ASAP2: variants seen among roughly 807,000 people sequenced by gnomAD.
The protein encoded by ASAP2 is arf-GAP with SH3 domain, ANK repeat and PH domain-containing protein 2.
A neutral mutation model predicts 131.4 loss-of-function variants in ASAP2; 45 were observed. That is an observed-to-expected ratio of 0.34 (90% confidence interval 0.27 to 0.44). The LOEUF (loss-of-function observed/expected upper bound fraction) is 0.44. ASAP2 is among the 20% of genes least tolerant of loss of function. The probability of loss-of-function intolerance (pLI) is 1.00; values close to 1 mark genes in which losing one functional copy is unlikely to be tolerated. For synonymous variants in ASAP2, 510 were observed against 503.0 expected, an observed-to-expected ratio of 1.01 and a Z score of -0.19; for missense variants, 1,011 against 1,297.0, an observed-to-expected ratio of 0.78 and a Z score of 3.39.
chr2:9,376,835 G>T, intron 17 of ASAP2, 73 bp from the exon 18 acceptor site: 2 of 1,339,728 alleles, frequency 1.5e-6, no homozygotes, highest in Non-Finnish European at 2.1e-6. Flanking sequence ...AGTTGTACAC[G>T]ATTTCACCGG....
intron 12 of ASAP2, 34 bp from the exon 13 acceptor site, chr2:9,356,013 T>C (rs1234544818): frequency 1.2e-6 from 2 of 1,612,268 alleles, no homozygotes; most frequent in Non-Finnish European, 1.7e-6. Flanking sequence ...GATTGCTGTC[T>C]GGGCTCACAG....
intron 1 of ASAP2, among the ~76,000 whole-genome samples, chr2:9,213,711 T>C (rs1396125311): frequency 6.6e-6 from 1 of 152,076 alleles, no homozygotes; most frequent in Non-Finnish European, 1.5e-5. Flanking sequence ...GCTAGTGGCA[T>C]AGAGGTAGAC....
chr2:9,395,443 C>G (rs1176321341), intron 24 of ASAP2, among the ~76,000 whole-genome samples: 1 of 151,830 alleles, frequency 6.6e-6, no homozygotes, highest in African/African-American at 2.4e-5. Context: ...TCATTGTACT[C>G]CAGCCTGGGC....
chr2:9,367,027 A>ATTTTTTTTTTTTTTTTTTT (rs1171661319), intron 15 of ASAP2, among the ~76,000 whole-genome samples: 32 of 132,920 alleles, frequency 2.4e-4, no homozygotes, highest in African/African-American at 9.6e-4. Context: ...TGCCTGCATA[A>ATTTTTTTTTTTTTTTTTTT]TTTTTTTTTT....
chr2:9,385,017 G>A (rs1377656376), intron 20 of ASAP2, among the ~76,000 whole-genome samples: 1 of 152,238 alleles, frequency 6.6e-6, no homozygotes, highest in Admixed American at 6.5e-5. Context: ...GGGAACTGTG[G>A]ATGAAAACTA....
chr2:9,355,589 AT>A (rs757675714), intron 12 of ASAP2, among the ~76,000 whole-genome samples: 7 of 152,154 alleles, frequency 4.6e-5, no homozygotes, highest in Non-Finnish European at 1.0e-4. Context: ...ATTTAGCTAC[AT>A]TTCTAGTATT....
intron 3 of ASAP2, among the ~76,000 whole-genome samples, 184 bp from the exon 4 acceptor site, chr2:9,318,340 C>G (rs922037175): frequency 2.0e-5 from 3 of 152,194 alleles, no homozygotes; most frequent in Admixed American, 1.3e-4. Context: ...CATTAGCCCT[C>G]TATTCATTTG....
intron 6 of ASAP2, 140 bp from the exon 7 acceptor site, chr2:9,327,686 C>T (rs7569295): frequency 0.31 from 177,429 of 574,596 alleles, 29,512 homozygotes; most frequent in Non-Finnish European, 0.36. Flanking sequence ...GGAATCCAGG[C>T]GATACTAAGT....
chr2:9,340,212 G>A (rs58279098), intron 9 of ASAP2, among the ~76,000 whole-genome samples: 5,478 of 152,210 alleles, frequency 0.036, 242 homozygotes, highest in African/African-American at 0.097. Context: ...TAGTAGAGAC[G>A]GGGTTTCACC....
At chr2:9,280,361 G>A (rs189683874) in intron 2 of ASAP2, among the ~76,000 whole-genome samples, 7 of 136,716 alleles carry the variant, frequency 5.1e-5, no homozygotes, top group African/African-American at 1.9e-4. Context: ...CCCCCCCACC[G>A]CCCCCACCAG....
intron 6 of ASAP2, among the ~76,000 whole-genome samples, chr2:9,327,171 A>T (rs143783270): frequency 4.8e-4 from 73 of 151,640 alleles, no homozygotes; most frequent in African/African-American, 1.7e-3. Flanking sequence ...CCAGGGCATG[A>T]ATCAGCAGCT....
intron 2 of ASAP2, among the ~76,000 whole-genome samples, chr2:9,287,189 G>A (rs1489359402): frequency 3.3e-5 from 5 of 152,226 alleles, no homozygotes; most frequent in South Asian, 4.1e-4. Context: ...GGGGGCACAC[G>A]GTGGAGAAAA....
chr2:9,354,645 C>CAAAAAA (rs566781964), intron 12 of ASAP2, among the ~76,000 whole-genome samples: 7 of 73,996 alleles, frequency 9.5e-5, no homozygotes, highest in Middle Eastern at 0.01. Flanking sequence ...GACTCCGTCT[C>CAAAAAA]AAAAAAAAAA....
chr2:9,296,373 C>T (rs1280963814), intron 2 of ASAP2, among the ~76,000 whole-genome samples: 5 of 152,174 alleles, frequency 3.3e-5, no homozygotes, highest in Admixed American at 6.5e-5. Context: ...TGAGATGGGA[C>T]GGTGGTGTCT....
chr2:9,376,211 A>C (rs1674384828), intron 17 of ASAP2, among the ~76,000 whole-genome samples: 1 of 152,242 alleles, frequency 6.6e-6, no homozygotes, highest in Admixed American at 6.5e-5. Context: ...GAGGGTGCCC[A>C]GCACTGAGCT....
chr2:9,382,275 C>A (rs1674921327), intron 20 of ASAP2, among the ~76,000 whole-genome samples: 1 of 152,216 alleles, frequency 6.6e-6, no homozygotes, highest in Admixed American at 6.5e-5. Context: ...TGAGCCACCA[C>A]ACCTGACCTG....
chr2:9,401,360 G>A lies in ASAP2; in HGVS notation c.2910G>A (p.Val970=). The A allele has an allele frequency of 6.2e-7, 1 of 1,613,680 alleles. No homozygotes were observed. The highest frequency in any genetic ancestry group is 1.3e-5 in the African/African-American group (1 of 75,038). The change falls in exon 27 of 28, where the codon GTG becomes GTA. Residue 970 remains valine, a synonymous_variant. Coordinates refer to ENST00000281419, the MANE Select transcript of ASAP2 (RefSeq NM_003887.3). ...PDELTFSEGD[V]IIVDGEEDQE... Reference sequence around the variant, plus strand: ...AGCTCACCTTCTCCGAGGGGGATGTGATCATCGTGGACGGGGAGGAGGACC... The same window carrying A: ...AGCTCACCTTCTCCGAGGGGGATGTAATCATCGTGGACGGGGAGGAGGACC...
chr2:9,292,106 A>G (rs1469345951), intron 2 of ASAP2, among the ~76,000 whole-genome samples: 2 of 152,078 alleles, frequency 1.3e-5, no homozygotes, highest in Non-Finnish European at 1.5e-5. Context: ...CCATGTTTAG[A>G]CTAGGTCATC....
At chr2:9,297,707 C>G (rs191047535) in intron 3 of ASAP2, among the ~76,000 whole-genome samples, 1 of 152,330 alleles carries the variant, frequency 6.6e-6, no homozygotes, top group African/African-American at 2.4e-5. Flanking sequence ...CATTCGTCTT[C>G]TTAAGGGCCT....
Sources: allele counts gnomAD v4.1 joint callset (sites outside exome capture counted in the v4.1 genomes callset), GRCh38; gene constraint gnomAD v4.1.1; transcripts MANE v1.5; gene names NCBI Gene and HGNC (gene_info 2026-07-23, HGNC 2026-07-21).